The following LAMB4 variants were observed in gnomAD, a reference collection of about 807,000 sequenced individuals.
The protein encoded by LAMB4 is laminin subunit beta-4.
A neutral mutation model predicts 199.2 loss-of-function variants in LAMB4; 196 were observed. The ratio of observed to expected loss-of-function variants is 0.98; its 90% CI spans 0.88 to 1.11. The LOEUF (loss-of-function observed/expected upper bound fraction) is 1.11. LAMB4 is among the 50% of genes least tolerant of loss of function. LAMB4 has a pLI of 0.00. For missense variants in LAMB4, 2,080 were observed against 2,171.2 expected (o/e 0.96, Z 0.83); for synonymous variants, 744 against 770.6 (o/e 0.97, Z 0.57).
In LAMB4 at chr7:108,026,219, G is replaced by A. The variant is rs973889534; in HGVS notation, c.5147-2041C>T. 2.6e-5 allele frequency among the ~76,000 whole-genome samples: 4 copies of A among 152,110 alleles called. No homozygotes were observed. In the East Asian group the frequency reaches 7.7e-4, roughly 29 times the overall value. Reference sequence around the variant, plus strand: ...TTCCCTTCATTCTTGTGCATTCTTTGTAGTTCTTCCCATCAAGAAGTAGAA... The same window carrying A: ...TTCCCTTCATTCTTGTGCATTCTTTATAGTTCTTCCCATCAAGAAGTAGAA... On this transcript the variant is annotated intron_variant, in intron 33 of 33. Transcript: ENST00000388781.
intron 10 of LAMB4, among the ~76,000 whole-genome samples, chr7:108,100,609 C>T (rs115541775): frequency 2.6e-5 from 4 of 152,218 alleles, no homozygotes; most frequent in Admixed American, 1.3e-4. Context: ...AGTTAATACT[C>T]AGTGGTTCTT....
chr7:108,038,014 G>T, intron 29 of LAMB4, among the ~76,000 whole-genome samples: 1 of 152,092 alleles, frequency 6.6e-6, no homozygotes, highest in East Asian at 1.9e-4. Flanking sequence ...CTGGATTCTG[G>T]TCCTCCATGA....
At chr7:108,013,033 A>G in the LAMB4 span, among the ~76,000 whole-genome samples, 1 of 152,206 alleles carries the variant, frequency 6.6e-6, no homozygotes, top group Non-Finnish European at 1.5e-5. Flanking sequence ...CAGATGTGCC[A>G]TAAGGCCAGG....
chr7:108,087,023 C>T (rs1461633139), intron 14 of LAMB4, among the ~76,000 whole-genome samples: 1 of 152,098 alleles, frequency 6.6e-6, no homozygotes, highest in Non-Finnish European at 1.5e-5. Flanking sequence ...GCCTAGAAGT[C>T]AGAGAAGGCC....
At chr7:108,053,403 T>C (rs2035886223) in intron 25 of LAMB4, among the ~76,000 whole-genome samples, 1 of 152,160 alleles carries the variant, frequency 6.6e-6, no homozygotes, top group South Asian at 2.1e-4. Flanking sequence ...TAGAACTACA[T>C]GAGGCCTGGA....
In LAMB4 at chr7:108,079,735, G is replaced by A. The variant is rs2036857597; in HGVS notation, c.1753C>T (p.Pro585Ser). 1.2e-6 allele frequency: 2 copies of A among 1,609,954 alleles called. No homozygotes were observed. The highest frequency in any genetic ancestry group is 1.7e-6 in the Non-Finnish European group (2 of 1,178,522). Residue 585 changes from proline to serine, a missense_variant, in exon 15 of 34, where the codon CCA becomes TCA. Coordinates refer to ENST00000388781, the MANE Select transcript of LAMB4 (RefSeq NM_007356.3). ...SPAVHVVLGE[P>S]VPGNPVTWTG... Reference sequence around the variant, plus strand: ...CATGTAACAGGGTTCCCAGGAACTGGCTCTCCTAAAACAACGTGAACAGCA... The same window carrying A: ...CATGTAACAGGGTTCCCAGGAACTGACTCTCCTAAAACAACGTGAACAGCA...
intron 12 of LAMB4, among the ~76,000 whole-genome samples, chr7:108,093,687 T>A (rs946183176): frequency 6.6e-6 from 1 of 152,014 alleles, no homozygotes; most frequent in Non-Finnish European, 1.5e-5. Context: ...TATAAAATGC[T>A]AAAAAAAATT....
At chr7:108,014,479 G>C in the LAMB4 span, among the ~76,000 whole-genome samples, 1 of 152,152 alleles carries the variant, frequency 6.6e-6, no homozygotes, top group East Asian at 1.9e-4. Context: ...TTTCCTTACA[G>C]AGAAATGTTT....
intron 9 of LAMB4, among the ~76,000 whole-genome samples, chr7:108,103,648 C>T (rs575014025): frequency 2.6e-5 from 4 of 152,152 alleles, no homozygotes; most frequent in Non-Finnish European, 4.4e-5. Flanking sequence ...CAGAGGAAAC[C>T]GGCCTGGCCC....
At chr7:108,017,462 T>C in the LAMB4 span, among the ~76,000 whole-genome samples, 2 of 152,210 alleles carry the variant, frequency 1.3e-5, no homozygotes, top group African/African-American at 4.8e-5. Context: ...GACTGTCTTC[T>C]CATAAAATTG....
chr7:108,038,099 A>G (rs951389132), intron 29 of LAMB4, among the ~76,000 whole-genome samples: 2 of 152,064 alleles, frequency 1.3e-5, no homozygotes, highest in Non-Finnish European at 2.9e-5. Context: ...TCAGAGGCCT[A>G]TTCTGGGATT....
In LAMB4 at chr7:108,055,730, G is replaced by T; in HGVS notation, c.3657C>A (p.Asp1219Glu). ...TLPVCEADFK[D>E]LRGNVSEIER... ...CTATTTCAGACACGTTCCCTCTGAG[G>T]TCTTTGAAGTCTGCCTCACAGACAG... Residue 1219 changes from aspartate (D) to glutamate (E), a missense_variant, in exon 25 of 34, where the codon GAC (aspartate) becomes GAA (glutamate). Coordinates refer to ENST00000388781, the MANE Select transcript of LAMB4 (RefSeq NM_007356.3). The T allele has an allele frequency of 6.2e-7, 1 of 1,614,148 alleles. No individual in the cohort carries two copies. Among genetic ancestry groups the T allele is most frequent in the Non-Finnish European group, 8.5e-7 (1 of 1,180,000 alleles).
At chr7:108,069,134 G>A (rs531606505) in intron 18 of LAMB4, among the ~76,000 whole-genome samples, 2 of 152,352 alleles carry the variant, frequency 1.3e-5, no homozygotes, top group Non-Finnish European at 2.9e-5. Context: ...CTATAGCCAT[G>A]CTTCTCAACT....
intron 10 of LAMB4, among the ~76,000 whole-genome samples, chr7:108,100,795 G>A (rs1368140221): frequency 6.6e-6 from 1 of 152,152 alleles, no homozygotes; most frequent in East Asian, 1.9e-4. Context: ...TTATGTGTGT[G>A]CATGATTACA....
At chr7:108,123,503 AC>A (rs998517363) in intron 1 of LAMB4, among the ~76,000 whole-genome samples, 1 of 152,208 alleles carries the variant, frequency 6.6e-6, no homozygotes, top group Non-Finnish European at 1.5e-5. Flanking sequence ...TTATTTAGAA[AC>A]TTTTTCTTCT....
intron 17 of LAMB4, 65 bp downstream of exon 17, chr7:108,076,879 T>G (rs995389320): frequency 1.2e-4 from 186 of 1,551,236 alleles, no homozygotes; most frequent in South Asian, 9.5e-4. Flanking sequence ...CACTAGTGAG[T>G]TTAAAAGTAG....
chr7:108,074,256 GAC>G (rs1166611262), intron 17 of LAMB4, among the ~76,000 whole-genome samples: 13 of 152,184 alleles, frequency 8.5e-5, no homozygotes, highest in African/African-American at 3.1e-4. Flanking sequence ...CGAGATTTCT[GAC>G]AGTTACCAAT....
chr7:108,127,480 TA>T (rs2038834764), intron 1 of LAMB4, among the ~76,000 whole-genome samples: 1 of 152,202 alleles, frequency 6.6e-6, no homozygotes, highest in Non-Finnish European at 1.5e-5. Context: ...TCCATGGACT[TA>T]ATAAGATAAC....
At position 108,066,526 on chromosome 7, in the gene LAMB4, C is replaced by T. The variant is rs201664045; in HGVS notation, c.2521G>A (p.Glu841Lys). 6.8e-6 allele frequency: 11 copies of T among 1,614,018 alleles called. No individual in the cohort carries two copies. The South Asian group carries it at 1.2e-4, about 18-fold the overall frequency. Residue 841 changes from glutamate (E) to lysine (K), a missense_variant, in exon 20 of 34, where the codon GAG becomes AAG. Physicochemically the swap from Glu to Lys is moderately conservative, Grantham distance 56. Coordinates refer to ENST00000388781, the MANE Select transcript of LAMB4 (RefSeq NM_007356.3). Reference protein sequence around the residue: ...QVTGQCPCHGEVSGRRCDRCL... With the variant: ...QVTGQCPCHGKVSGRRCDRCL... ...CGATCACAGCGGCGGCCAGACACCT[C>T]TCCATGGCAGGGGCACTGTCCTGTT...
Sources: allele counts gnomAD v4.1 joint callset (sites outside exome capture counted in the v4.1 genomes callset), GRCh38; gene constraint gnomAD v4.1.1; transcripts MANE v1.5; gene names NCBI Gene and HGNC (gene_info 2026-07-23, HGNC 2026-07-21).